The following DNAH7 variants were observed in gnomAD, a reference collection of about 807,000 sequenced individuals.
The protein encoded by DNAH7 is dynein axonemal heavy chain 7.
Under a neutral mutation model 444.6 loss-of-function variants are expected in DNAH7, and 397 were observed. The ratio of observed to expected loss-of-function variants is 0.89; its 90% CI spans 0.82 to 0.97. The LOEUF (loss-of-function observed/expected upper bound fraction) is 0.97. Ranked by LOEUF, DNAH7 falls within the 50% of genes least tolerant of loss-of-function variation. The probability of loss-of-function intolerance (pLI) is 0.00; values close to 1 mark genes in which losing one functional copy is unlikely to be tolerated. For missense variants in DNAH7, 4,902 were observed against 4,800.8 expected (o/e 1.02, Z -0.62); for synonymous variants, 1,636 against 1,624.4 (o/e 1.01, Z -0.17).
At chr2:195,781,713 A>C (rs1695388347) in intron 58 of DNAH7, among the ~76,000 whole-genome samples, 1 of 151,118 alleles carries the variant, frequency 6.6e-6, no homozygotes, top group African/African-American at 2.4e-5. Flanking sequence ...AAAAGGGGAA[A>C]TGCTGTGTAA....
chr2:195,879,578 T>A (rs952517163), intron 36 of DNAH7, among the ~76,000 whole-genome samples: 14 of 152,186 alleles, frequency 9.2e-5, no homozygotes, highest in Non-Finnish European at 2.1e-4. Flanking sequence ...GAATACCTCT[T>A]ATAATACTAC....
intron 28 of DNAH7, among the ~76,000 whole-genome samples, chr2:195,899,833 T>C (rs1260451702): frequency 6.6e-6 from 1 of 152,202 alleles, no homozygotes; most frequent in Admixed American, 6.5e-5. Context: ...ATTACAGTTA[T>C]AATTTAGACC....
At chr2:196,009,720 GAC>G (rs1694613676) in intron 10 of DNAH7, among the ~76,000 whole-genome samples, 1 of 152,102 alleles carries the variant, frequency 6.6e-6, no homozygotes, top group Non-Finnish European at 1.5e-5. Flanking sequence ...AAAGTAGAGA[GAC>G]AACCTACAGA....
At chr2:196,058,637 A>AGAC (rs1697959228) in intron 1 of DNAH7, among the ~76,000 whole-genome samples, 1 of 152,104 alleles carries the variant, frequency 6.6e-6, no homozygotes, top group African/African-American at 2.4e-5. Context: ...ATTTAACAAA[A>AGAC]GTGTAAGACC....
At chr2:196,059,975 G>C (rs1386730516) in intron 1 of DNAH7, among the ~76,000 whole-genome samples, 1 of 152,134 alleles carries the variant, frequency 6.6e-6, no homozygotes, top group Non-Finnish European at 1.5e-5. Flanking sequence ...CAGCACTTTG[G>C]GAGGCCGAGG....
intron 19 of DNAH7, among the ~76,000 whole-genome samples, chr2:195,950,768 C>T (rs1427248758): frequency 3.6e-5 from 5 of 138,276 alleles, no homozygotes; most frequent in South Asian, 4.7e-4. Context: ...GGGAGAATGG[C>T]GTGAACCCAG....
At chr2:196,049,766 G>A (rs1352584583) in intron 3 of DNAH7, among the ~76,000 whole-genome samples, 4 of 152,190 alleles carry the variant, frequency 2.6e-5, no homozygotes, top group South Asian at 4.1e-4. Flanking sequence ...TATATGCTTC[G>A]CCCACAAGCA....
rs776496457 is a variant in DNAH7, at chr2:195,855,863, A to G, written c.8543T>C (p.Leu2848Pro). The change falls in exon 45 of 65, where the codon CTT becomes CCT. Residue 2848 changes from leucine to proline, a missense_variant. Leu to Pro is a moderately conservative substitution (Grantham distance 98). Coordinates refer to ENST00000312428, the MANE Select transcript of DNAH7 (RefSeq NM_018897.3). ...LKEVQDKLAR[L>P]QDTLELNKQK... ...TTTATTTAATTCAAGTGTGTCTTGA[A>G]GCCTGGCCAGCTTGTCCTGAACTTC... is the stretch of plus-strand genomic sequence containing the variant. 2.5e-6 allele frequency: 4 copies of G among 1,613,938 alleles called. No individual in the cohort carries two copies. The highest frequency in any genetic ancestry group is 3.4e-6 in the Non-Finnish European group (4 of 1,179,970).
At chr2:195,830,449 ATCT>A (rs933382072) in intron 48 of DNAH7, among the ~76,000 whole-genome samples, 3 of 152,342 alleles carry the variant, frequency 2.0e-5, no homozygotes, top group Non-Finnish European at 2.9e-5. Context: ...ATAGAAAAAA[ATCT>A]TCTTCTACAA....
intron 24 of DNAH7, among the ~76,000 whole-genome samples, chr2:195,917,653 TGAGGAGGCAAGGAATTGAGGTTG>T (rs1191729162): frequency 1.3e-4 from 20 of 152,188 alleles, no homozygotes; most frequent in African/African-American, 4.3e-4. Flanking sequence ...TCTTTTCTTC[TGAGGAGGCAAGGAATTGAGGTTG>T]CTTCAGACCT....
intron 42 of DNAH7, among the ~76,000 whole-genome samples, chr2:195,860,479 C>A (rs1440356538): frequency 6.6e-6 from 1 of 151,490 alleles, no homozygotes; most frequent in Non-Finnish European, 1.5e-5. Context: ...TGGGCACTGC[C>A]GATTTCACTA....
intron 58 of DNAH7, among the ~76,000 whole-genome samples, chr2:195,783,811 C>T (rs1399205052): frequency 6.6e-6 from 1 of 152,180 alleles, no homozygotes; most frequent in Non-Finnish European, 1.5e-5. Flanking sequence ...CAAAAATAGT[C>T]TCCAAAAAGC....
rs1240824342 is a variant in DNAH7 at position 195,857,631 on chromosome 2, G to C, written c.8160C>G (p.Asp2720Glu). 6.2e-7 allele frequency: 1 copy of C among 1,613,894 alleles called. No homozygotes were observed. The highest frequency in any genetic ancestry group is 8.5e-7 in the Non-Finnish European group (1 of 1,179,922). Residue 2720 changes from aspartate (D) to glutamate (E), a missense_variant, in exon 44 of 65, where the codon GAC (aspartate) becomes GAG (glutamate). Asp to Glu is a conservative substitution (Grantham distance 45). Coordinates refer to ENST00000312428, the MANE Select transcript of DNAH7 (RefSeq NM_018897.3). ...CTGAACCTGTTGGGTCAGGGATTTT[G>C]TCAGCTTTGATTCCTTTCAAGATGC... ...AICILKGIKA[D>E]KIPDPTGSGK... is the part of the protein sequence containing the mutation.
chr2:196,026,652 A>AT (rs1483598224), intron 7 of DNAH7, 108 bp downstream of exon 7: 27 of 741,984 alleles, frequency 3.6e-5, no homozygotes, highest in Non-Finnish European at 2.3e-5. Flanking sequence ...AAGAAATGGC[A>AT]TAATTATAAT....
chr2:196,000,349 C>T (rs1223893411), intron 12 of DNAH7, among the ~76,000 whole-genome samples: 3 of 151,972 alleles, frequency 2.0e-5, no homozygotes, highest in South Asian at 2.1e-4. Context: ...GTAATAAACT[C>T]GAGGACAGTT....
intron 5 of DNAH7, among the ~76,000 whole-genome samples, chr2:196,028,349 T>C (rs1356561507): frequency 6.6e-6 from 1 of 152,184 alleles, no homozygotes; most frequent in African/African-American, 2.4e-5. Context: ...TCTCTGAAAT[T>C]ATAAAGGAAC....
In DNAH7 at chr2:195,960,795, C is replaced by T. The variant is rs1691041073; in HGVS notation, c.2356G>A (p.Gly786Arg). ...TCTGGATTCACTTTATGATATGGCC[C>T]TTCTGTCCATGCTCTATAGTTGCTG... ...FSSNYRAWTEGPYHKVNPDQV... is the reference protein window; with the variant it reads ...FSSNYRAWTERPYHKVNPDQV... The change falls in exon 18 of 65, where the codon GGG becomes AGG. Residue 786 changes from glycine (G) to arginine (R), a missense_variant. Physicochemically the swap from Gly to Arg is moderately radical, Grantham distance 125. Transcript: ENST00000312428. 1 of 1,614,052 alleles carries T rather than the reference C, an allele frequency of 6.2e-7. No homozygotes were observed. Among genetic ancestry groups the T allele is most frequent in the Non-Finnish European group, 8.5e-7 (1 of 1,180,022 alleles).
chr2:196,047,373 C>G lies in DNAH7; in HGVS notation c.377G>C (p.Ser126Thr). The change falls in exon 5 of 65, where the codon AGT (serine) becomes ACT (threonine). Residue 126 changes from serine (S) to threonine (T), a missense_variant. Transcript: ENST00000312428. Reference protein sequence around the residue: ...SPHKERENFRSTLVNVIMQQD... With the variant: ...SPHKERENFRTTLVNVIMQQD... ...TTACATAATGACATTAACAAGAGTACTTCTAAAGTTTTCTCGTTCTTTATG... is the reference window on the plus strand; with the variant it reads ...TTACATAATGACATTAACAAGAGTAGTTCTAAAGTTTTCTCGTTCTTTATG... The G allele has an allele frequency of 6.3e-7, 1 of 1,597,774 alleles. No homozygotes were observed. Among genetic ancestry groups the G allele is most frequent in the Non-Finnish European group, 8.5e-7 (1 of 1,171,198 alleles).
intron 10 of DNAH7, among the ~76,000 whole-genome samples, chr2:196,006,840 TAA>T (rs1382777921): frequency 2.0e-5 from 3 of 151,996 alleles, no homozygotes; most frequent in Non-Finnish European, 4.4e-5. Context: ...CCAAAAAATG[TAA>T]ATACATTTTT....
Sources: gnomAD v4.1 joint callset for allele counts (sites outside exome capture counted in the v4.1 genomes callset) on GRCh38, gnomAD v4.1.1 for gene constraint, MANE v1.5 for transcripts, NCBI Gene and HGNC (gene_info 2026-07-23, HGNC 2026-07-21) for gene names.